Variants in MCTP1 observed in about 807,000 individuals in gnomAD.
The protein encoded by MCTP1 is multiple C2 and transmembrane domain-containing protein 1.
A neutral mutation model predicts 120.6 loss-of-function variants in MCTP1; 69 were observed. That is an observed-to-expected ratio of 0.57 (90% CI 0.47 to 0.70). The LOEUF (loss-of-function observed/expected upper bound fraction) is 0.70, where lower values mean the gene tolerates loss of function less well. Ranked by LOEUF, MCTP1 falls within the 30% of genes least tolerant of loss-of-function variation. MCTP1 has a pLI of 0.00. For missense variants in MCTP1, 1,203 were observed against 1,248.8 expected (o/e 0.96, Z 0.55); for synonymous variants, 529 against 493.1 (o/e 1.07, Z -0.96).
At chr5:94,851,171 G>A (rs1368127507) in intron 17 of MCTP1, among the ~76,000 whole-genome samples, 1 of 152,030 alleles carries the variant, frequency 6.6e-6, no homozygotes, top group Non-Finnish European at 1.5e-5. Context: ...TGCTGAGTCA[G>A]TTTAAAAATG....
intron 17 of MCTP1, among the ~76,000 whole-genome samples, chr5:94,841,177 A>T (rs1790950492): frequency 6.6e-6 from 1 of 152,136 alleles, no homozygotes; most frequent in African/African-American, 2.4e-5. Context: ...CCACCCAGGG[A>T]ACGGAAACAG....
chr5:95,187,388 G>A (rs555817779), intron 1 of MCTP1, among the ~76,000 whole-genome samples: 155 of 152,180 alleles, frequency 1.0e-3, no homozygotes, highest in African/African-American at 3.6e-3. Flanking sequence ...TTATCTGTGG[G>A]CTCAAATCAA....
At chr5:95,268,727 C>A (rs1759117035) in intron 1 of MCTP1, among the ~76,000 whole-genome samples, 2 of 152,226 alleles carry the variant, frequency 1.3e-5, no homozygotes, top group African/African-American at 2.4e-5. Flanking sequence ...GTTAATCACC[C>A]TTTAGTGGTG....
intron 1 of MCTP1, among the ~76,000 whole-genome samples, chr5:95,026,186 G>A (rs2194947): frequency 0.92 from 140,061 of 151,848 alleles, 65,612 homozygotes; most frequent in East Asian, 1. Context: ...TAGTATATAT[G>A]TATTTATGGG....
At chr5:95,096,682 A>G (rs1311350325) in intron 1 of MCTP1, among the ~76,000 whole-genome samples, 1 of 152,230 alleles carries the variant, frequency 6.6e-6, no homozygotes, top group Non-Finnish European at 1.5e-5. Flanking sequence ...TTAGCATCTT[A>G]CAGAGCTACA....
At chr5:95,166,627 G>C (rs150046668) in intron 1 of MCTP1, among the ~76,000 whole-genome samples, 1 of 148,836 alleles carries the variant, frequency 6.7e-6, no homozygotes, top group Non-Finnish European at 1.5e-5. Flanking sequence ...GGGTGCAGTG[G>C]CACGATCTCG....
intron 17 of MCTP1, among the ~76,000 whole-genome samples, chr5:94,802,335 CAT>C (rs1781391367): frequency 1.3e-5 from 2 of 152,078 alleles, no homozygotes; most frequent in African/African-American, 4.8e-5. Flanking sequence ...ATTTATTGAA[CAT>C]ATATGTTATG....
chr5:95,235,462 A>G (rs1755435484), intron 1 of MCTP1, among the ~76,000 whole-genome samples: 1 of 152,000 alleles, frequency 6.6e-6, no homozygotes, highest in Non-Finnish European at 1.5e-5. Context: ...AAGCCAGCAC[A>G]GTAAGGAAAG....
At chr5:95,004,621 C>G (rs1834324869) in intron 2 of MCTP1, among the ~76,000 whole-genome samples, 1 of 152,216 alleles carries the variant, frequency 6.6e-6, no homozygotes, top group Non-Finnish European at 1.5e-5. Flanking sequence ...TAAAAGGCCC[C>G]AGATATGTCT....
intron 19 of MCTP1, among the ~76,000 whole-genome samples, chr5:94,723,549 G>A (rs1761399621): frequency 7.2e-6 from 1 of 138,304 alleles, no homozygotes; most frequent in South Asian, 2.6e-4. Context: ...CTGCTGACTT[G>A]GCAGAGTTTT....
At chr5:95,168,218 G>C (rs1746698575) in intron 1 of MCTP1, among the ~76,000 whole-genome samples, 1 of 152,018 alleles carries the variant, frequency 6.6e-6, no homozygotes, top group African/African-American at 2.4e-5. Context: ...ACGTGTGGTA[G>C]TATTTCTGAG....
chr5:94,708,644 C>T lies in MCTP1; in HGVS notation c.2831-35G>A, dbSNP rs1165564764. 3 of 1,326,446 alleles carry T rather than the reference C, an allele frequency of 2.3e-6. No homozygotes were observed. The African/African-American group carries it at 4.4e-5, about 19-fold the overall frequency. 82.2% of individuals were successfully genotyped at this position (1,326,446 alleles called of 1,614,324 possible). A position where few individuals can be genotyped will look rare whatever the true frequency, so the allele number is the denominator to read the frequency against. The stretch of plus-strand genomic sequence containing the variant: ...AGTTGGAGTTAAACAAAGCACATTT[C>T]TGACAAAAGTGTTGTAGTAATTTGA... On this transcript the variant is annotated intron_variant, in intron 21 of 22. Transcript: ENST00000515393.
At chr5:94,891,751 TA>T (rs1221568661) in intron 11 of MCTP1, among the ~76,000 whole-genome samples, 1 of 69,074 alleles carries the variant, frequency 1.4e-5, no homozygotes. Flanking sequence ...GAAGTAAAAA[TA>T]AATAAATAAA....
At chr5:94,710,623 A>G in intron 21 of MCTP1, 195 bp downstream of exon 21, 4 of 505,526 alleles carry the variant, frequency 7.9e-6, no homozygotes, top group South Asian at 2.9e-5. Flanking sequence ...AGTGTGCCAG[A>G]TAAGAAAAAT....
chr5:94,728,704 C>A (rs1010686490), intron 19 of MCTP1, among the ~76,000 whole-genome samples: 4 of 152,180 alleles, frequency 2.6e-5, no homozygotes, highest in Non-Finnish European at 5.9e-5. Flanking sequence ...TTTCTTCTCA[C>A]CCACTGTCTT....
chr5:95,171,816 C>CT (rs779732659), intron 1 of MCTP1, among the ~76,000 whole-genome samples: 1 of 150,562 alleles, frequency 6.6e-6, no homozygotes, highest in East Asian at 1.9e-4. Flanking sequence ...TTCATCTCAT[C>CT]TTTTTTCAAG....
At chr5:94,834,808 C>T (rs1580938755) in intron 17 of MCTP1, among the ~76,000 whole-genome samples, 1 of 118,960 alleles carries the variant, frequency 8.4e-6, no homozygotes, top group Non-Finnish European at 1.7e-5. Flanking sequence ...TTATAACATT[C>T]TCTCTTTTTT....
At chr5:95,190,168 A>C (rs1749669128) in intron 1 of MCTP1, among the ~76,000 whole-genome samples, 1 of 152,092 alleles carries the variant, frequency 6.6e-6, no homozygotes, top group Admixed American at 6.6e-5. Context: ...ACAGCCTGAA[A>C]GGGAAATCTG....
At chr5:94,827,294 G>T (rs1347114675) in intron 17 of MCTP1, among the ~76,000 whole-genome samples, 4 of 152,068 alleles carry the variant, frequency 2.6e-5, no homozygotes, top group Non-Finnish European at 5.9e-5. Flanking sequence ...TTGAATATTG[G>T]CCCCCACTCT....
Sources: allele counts gnomAD v4.1 joint callset (sites outside exome capture counted in the v4.1 genomes callset), GRCh38; gene constraint gnomAD v4.1.1; transcripts MANE v1.5; gene names NCBI Gene and HGNC (gene_info 2026-07-23, HGNC 2026-07-21).